OLFM3: variants seen among roughly 807,000 people sequenced by gnomAD.
OLFM3 encodes noelin-3.
A neutral mutation model predicts 48.6 loss-of-function variants in OLFM3; 20 were observed. The ratio of observed to expected loss-of-function variants is 0.41; its 90% confidence interval spans 0.29 to 0.60. OLFM3 has a LOEUF of 0.60. Ranked by LOEUF, OLFM3 falls within the 20% of genes least tolerant of loss-of-function variation. OLFM3 has a pLI of 0.28. For missense variants in OLFM3, 437 were observed against 544.3 expected (o/e 0.80, Z 1.96); for synonymous variants, 222 against 198.1 (o/e 1.12, Z -1.01).
chr1:101,843,013 T>C (rs776569495), intron 1 of OLFM3, among the ~76,000 whole-genome samples: 25 of 152,150 alleles, frequency 1.6e-4, no homozygotes, highest in Non-Finnish European at 2.9e-4. Flanking sequence ...GAAAACAGAA[T>C]TTGGGGGGAA....
chr1:101,878,355 A>C (rs185762285), intron 1 of OLFM3, among the ~76,000 whole-genome samples: 8 of 152,060 alleles, frequency 5.3e-5, no homozygotes, highest in African/African-American at 1.2e-4. Flanking sequence ...GGACCCCATC[A>C]GTGCCAGAGG....
At chr1:101,855,758 G>A (rs1296670587) in intron 1 of OLFM3, among the ~76,000 whole-genome samples, 1 of 152,088 alleles carries the variant, frequency 6.6e-6, no homozygotes, top group African/African-American at 2.4e-5. Flanking sequence ...CACTAGGGCA[G>A]ACTGAAGTGT....
chr1:101,899,376 C>G, intron 1 of OLFM3, among the ~76,000 whole-genome samples: 1 of 152,082 alleles, frequency 6.6e-6, no homozygotes, highest in Admixed American at 6.6e-5. Context: ...AGAATAAGAG[C>G]AGATGAAAGA....
At chr1:101,808,027 T>C (rs768154159) in intron 4 of OLFM3, among the ~76,000 whole-genome samples, 2 of 151,844 alleles carry the variant, frequency 1.3e-5, no homozygotes, top group Non-Finnish European at 2.9e-5. Flanking sequence ...TTTAATAATG[T>C]CCTATATACA....
intron 1 of OLFM3, among the ~76,000 whole-genome samples, chr1:101,856,900 G>A (rs1656446379): frequency 6.6e-6 from 1 of 151,944 alleles, no homozygotes; most frequent in Non-Finnish European, 1.5e-5. Context: ...ATATAATGGA[G>A]GAGAAAAAGA....
chr1:101,919,961 G>A (rs1195719490), intron 1 of OLFM3, among the ~76,000 whole-genome samples: 1 of 152,148 alleles, frequency 6.6e-6, no homozygotes, highest in Non-Finnish European at 1.5e-5. Context: ...TCTGGCAGAT[G>A]TTCAGGCCTA....
chr1:101,977,228 C>T (rs966434296), intron 1 of OLFM3, among the ~76,000 whole-genome samples: 2 of 152,108 alleles, frequency 1.3e-5, no homozygotes, highest in Non-Finnish European at 2.9e-5. Flanking sequence ...AAAACATTTT[C>T]CCCATAGCAG....
At chr1:101,847,105 A>C (rs1395243456) in intron 1 of OLFM3, 1 of 1,347,910 alleles carries the variant, frequency 7.4e-7, no homozygotes, top group East Asian at 2.7e-5. Context: ...CTAATCACCC[A>C]GGAAAGCTTC....
At chr1:101,857,415 G>A (rs186839963) in intron 1 of OLFM3, among the ~76,000 whole-genome samples, 10 of 151,998 alleles carry the variant, frequency 6.6e-5, no homozygotes, top group African/African-American at 2.2e-4. Context: ...TACACATAAT[G>A]AGTCATAATG....
intron 1 of OLFM3, chr1:101,893,290 A>G: frequency 2.8e-6 from 1 of 359,888 alleles, no homozygotes; most frequent in Non-Finnish European, 5.6e-6. Context: ...ATAATTGCCA[A>G]GGTATTGGAA....
chr1:101,929,772 C>T (rs181126233), intron 1 of OLFM3, among the ~76,000 whole-genome samples: 172 of 152,128 alleles, frequency 1.1e-3, no homozygotes, highest in Admixed American at 3.2e-3. Flanking sequence ...TTTTCCAAGT[C>T]TTTTGCAAAA....
At chr1:101,873,512 A>T (rs2100979642) in intron 1 of OLFM3, among the ~76,000 whole-genome samples, 1 of 152,030 alleles carries the variant, frequency 6.6e-6, no homozygotes, top group Admixed American at 6.6e-5. Context: ...CAACCCTGTA[A>T]GGCCTATAGG....
chr1:101,842,956 T>C (rs1655800826), intron 1 of OLFM3, among the ~76,000 whole-genome samples: 1 of 152,168 alleles, frequency 6.6e-6, no homozygotes, highest in Non-Finnish European at 1.5e-5. Flanking sequence ...CTTAATTTGT[T>C]CAGTTGCCCT....
At chr1:101,993,968 GAC>G (rs1661485735) in intron 1 of OLFM3, among the ~76,000 whole-genome samples, 2 of 139,756 alleles carry the variant, frequency 1.4e-5, no homozygotes, top group African/African-American at 5.3e-5. Context: ...AAAAAAAAAA[GAC>G]ACACACCGCA....
intron 1 of OLFM3, among the ~76,000 whole-genome samples, chr1:101,863,638 A>G (rs551749580): frequency 1.3e-5 from 2 of 152,310 alleles, no homozygotes; most frequent in Admixed American, 1.3e-4. Flanking sequence ...ATTCGTAAAA[A>G]TATCAATATA....
intron 2 of OLFM3, 74 bp from the exon 3 acceptor site, chr1:101,830,901 A>G (rs767655691): frequency 1.4e-6 from 2 of 1,388,096 alleles, no homozygotes; most frequent in East Asian, 2.4e-5. Flanking sequence ...AATAGCAAAA[A>G]TGCCGTTAAC....
intron 1 of OLFM3, among the ~76,000 whole-genome samples, chr1:101,887,617 T>G (rs1570599496): frequency 6.6e-6 from 1 of 152,190 alleles, no homozygotes; most frequent in Admixed American, 6.5e-5. Flanking sequence ...AATTCAGTAT[T>G]ATTGTACTTT....
At position 101,902,751 on chromosome 1, in the gene OLFM3, G is replaced by A. The variant is rs540619340; in HGVS notation, c.70-65726C>T. Among the ~76,000 whole-genome samples, 20 of 152,178 alleles carry A rather than the reference G, an allele frequency of 1.3e-4. No individual in the cohort carries two copies. In the South Asian group the frequency reaches 2.5e-3, roughly 19 times the overall value. ...TTTTCCAGGAACTGTGCTTAACAGC[G>A]TACGTATACTATCTCATTTAATCTT... On this transcript the variant is annotated intron_variant, in intron 1 of 5. Coordinates refer to ENST00000370103, the MANE Select transcript of OLFM3 (RefSeq NM_058170.4).
intron 1 of OLFM3, among the ~76,000 whole-genome samples, chr1:101,885,516 CTCCT>C (rs1657717939): frequency 6.6e-6 from 1 of 152,038 alleles, no homozygotes; most frequent in South Asian, 2.1e-4. Flanking sequence ...TCTCCTTTCT[CTCCT>C]TCCATCTCCT....
Sources: allele counts gnomAD v4.1 joint callset (sites outside exome capture counted in the v4.1 genomes callset), GRCh38; gene constraint gnomAD v4.1.1; transcripts MANE v1.5; gene names NCBI Gene and HGNC (gene_info 2026-07-23, HGNC 2026-07-21).